The following ZFHX3 variants were observed in gnomAD, a reference collection of about 807,000 sequenced individuals.
ZFHX3 encodes zinc finger homeobox protein 3.
In ZFHX3, 42 loss-of-function variants were observed where a neutral mutation model predicts 279.1. That is an observed-to-expected ratio of 0.15 (90% CI 0.12 to 0.19). ZFHX3 has a LOEUF of 0.19. Among genes scored for constraint, ZFHX3 ranks in the 10% least tolerant of loss-of-function variants. ZFHX3 has a pLI of 1.00. For missense variants in ZFHX3, 4,981 were observed against 4,754.0 expected (o/e 1.05, Z -1.40); for synonymous variants, 2,293 against 1,957.8 (o/e 1.17, Z -4.52).
At chr16:73,254,624 A>G (rs1350224599) in intron 5 of ZFHX3, among the ~76,000 whole-genome samples, 1 of 152,202 alleles carries the variant, frequency 6.6e-6, no homozygotes, top group East Asian at 1.9e-4. Context: ...ATAAGTCTAG[A>G]AGGATATTAA....
At chr16:73,635,057 A>G (rs999059766) in intron 2 of ZFHX3, among the ~76,000 whole-genome samples, 1 of 152,210 alleles carries the variant, frequency 6.6e-6, no homozygotes, top group African/African-American at 2.4e-5. Context: ...TTAAAGATCA[A>G]TTTAACTGGA....
intron 1 of ZFHX3, among the ~76,000 whole-genome samples, chr16:72,995,299 C>T (rs1388474014): frequency 3.9e-5 from 6 of 152,164 alleles, no homozygotes; most frequent in African/African-American, 7.2e-5. Context: ...ACTCTTCGCC[C>T]GTGCCTCTCC....
At chr16:72,982,168 C>T (rs1962633563) in intron 1 of ZFHX3, among the ~76,000 whole-genome samples, 1 of 151,940 alleles carries the variant, frequency 6.6e-6, no homozygotes, top group Non-Finnish European at 1.5e-5. Context: ...CAGGAGTGAG[C>T]CACAGCGCCC....
intron 1 of ZFHX3, among the ~76,000 whole-genome samples, chr16:72,961,841 GCCT>G (rs1234301107): frequency 6.6e-6 from 1 of 152,096 alleles, no homozygotes; most frequent in African/African-American, 2.4e-5. Flanking sequence ...AGTTCCATGA[GCCT>G]TAGAAAGGAC....
intron 1 of ZFHX3, among the ~76,000 whole-genome samples, chr16:73,844,294 G>A (rs1159791799): frequency 6.6e-6 from 1 of 152,316 alleles, no homozygotes; most frequent in Non-Finnish European, 1.5e-5. Context: ...GACTGGGGGG[G>A]TTGAACAGGA....
In ZFHX3 at chr16:72,927,751, G is replaced by A. The variant is rs375915576; in HGVS notation, c.3216+22718C>T. Among the ~76,000 whole-genome samples, 65 of 152,098 alleles carry A rather than the reference G, an allele frequency of 4.3e-4. 1 individual carries two copies. The highest frequency in any genetic ancestry group is 1.4e-3 in the African/African-American group (57 of 41,510). ...CCCAGCATTGTGCTCCCTCCAGCGCGCTCTCCCCCACCAAAAACCCTGAGG... is the reference window on the plus strand; with the variant it reads ...CCCAGCATTGTGCTCCCTCCAGCGCACTCTCCCCCACCAAAAACCCTGAGG... On this transcript the variant is annotated intron_variant, in intron 3 of 9. Transcript: ENST00000268489.
At chr16:73,588,052 A>G (rs192893510) in intron 2 of ZFHX3, among the ~76,000 whole-genome samples, 1 of 152,306 alleles carries the variant, frequency 6.6e-6, no homozygotes, top group Non-Finnish European at 1.5e-5. Flanking sequence ...TGCAATGACA[A>G]TGTTCTCTGA....
chr16:73,626,760 C>G (rs1488241606), intron 2 of ZFHX3, among the ~76,000 whole-genome samples: 1 of 152,202 alleles, frequency 6.6e-6, no homozygotes, highest in African/African-American at 2.4e-5. Flanking sequence ...TTTTCACTGA[C>G]TCTGCACTCC....
chr16:73,022,605 G>A (rs923910396), intron 1 of ZFHX3, among the ~76,000 whole-genome samples: 3 of 152,106 alleles, frequency 2.0e-5, no homozygotes, highest in African/African-American at 7.2e-5. Context: ...CTTGGGGGGA[G>A]GAAGCAAAAT....
chr16:73,432,647 T>C (rs890918559), intron 3 of ZFHX3, among the ~76,000 whole-genome samples: 4 of 152,180 alleles, frequency 2.6e-5, no homozygotes, highest in Admixed American at 1.3e-4. Flanking sequence ...GTTCACTGGA[T>C]CAAGGTATAA....
chr16:72,940,613 G>A (rs938435237), intron 3 of ZFHX3, among the ~76,000 whole-genome samples: 4 of 152,180 alleles, frequency 2.6e-5, no homozygotes, highest in Admixed American at 1.3e-4. Context: ...TACTGCCAGC[G>A]ACAGAAGACA....
At chr16:73,332,401 T>C (rs1196238588) in intron 3 of ZFHX3, among the ~76,000 whole-genome samples, 1 of 152,188 alleles carries the variant, frequency 6.6e-6, no homozygotes, top group African/African-American at 2.4e-5. Context: ...CCTGCAAGGA[T>C]GTCAGGATGC....
chr16:73,005,128 C>G (rs1194868782), intron 1 of ZFHX3, among the ~76,000 whole-genome samples: 8 of 152,222 alleles, frequency 5.3e-5, no homozygotes. Flanking sequence ...GTTTCCTTCA[C>G]TATAAAATGA....
At chr16:73,258,157 C>A (rs2013711849) in intron 4 of ZFHX3, among the ~76,000 whole-genome samples, 1 of 152,102 alleles carries the variant, frequency 6.6e-6, no homozygotes, top group Non-Finnish European at 1.5e-5. Context: ...CACATTCAGT[C>A]TTGACACCAG....
intron 3 of ZFHX3, among the ~76,000 whole-genome samples, chr16:72,900,398 A>G (rs775943993): frequency 6.6e-6 from 1 of 152,308 alleles, no homozygotes; most frequent in African/African-American, 2.4e-5. Context: ...ACTGGTCAAA[A>G]CGGGTGTGCT....
At chr16:73,602,235 T>C (rs1290684602) in intron 2 of ZFHX3, among the ~76,000 whole-genome samples, 1 of 152,228 alleles carries the variant, frequency 6.6e-6, no homozygotes, top group Non-Finnish European at 1.5e-5. Context: ...GGTGGGTTTT[T>C]TCTAAAATAT....
chr16:73,756,061 T>C (rs1447243831), intron 1 of ZFHX3, among the ~76,000 whole-genome samples: 1 of 151,608 alleles, frequency 6.6e-6, no homozygotes, highest in Non-Finnish European at 1.5e-5. Flanking sequence ...GGTTCCTCCA[T>C]GGCTGACTTT....
intron 1 of ZFHX3, among the ~76,000 whole-genome samples, chr16:72,995,300 G>A (rs1007049665): frequency 5.9e-5 from 9 of 152,070 alleles, no homozygotes; most frequent in Non-Finnish European, 7.4e-5. Context: ...CTCTTCGCCC[G>A]TGCCTCTCCA....
intron 3 of ZFHX3, among the ~76,000 whole-genome samples, chr16:72,927,572 T>A (rs1959522995): frequency 1.3e-5 from 2 of 152,178 alleles, no homozygotes; most frequent in South Asian, 4.1e-4. Context: ...ATCTCGTGAC[T>A]TGGACTCAAA....
Sources: gnomAD v4.1 joint callset for allele counts (sites outside exome capture counted in the v4.1 genomes callset) on GRCh38, gnomAD v4.1.1 for gene constraint, MANE v1.5 for transcripts, NCBI Gene and HGNC (gene_info 2026-07-23, HGNC 2026-07-21) for gene names.